The following EPB41 variants were observed in gnomAD, a reference collection of about 807,000 sequenced individuals.
EPB41 encodes the protein erythrocyte membrane protein band 4.1.
A neutral mutation model predicts 108.0 loss-of-function variants in EPB41; 65 were observed. The observed-to-expected ratio is 0.60, with a 90% CI of 0.49 to 0.74. The LOEUF is 0.74. Ranked by LOEUF, EPB41 falls within the 30% of genes least tolerant of loss-of-function variation. The pLI, the probability that EPB41 is intolerant of heterozygous loss-of-function variation, is 0.00. For missense variants in EPB41, 875 were observed against 1,037.0 expected (o/e 0.84, Z 2.15); for synonymous variants, 336 against 358.9 (o/e 0.94, Z 0.72).
intron 8 of EPB41, 125 bp from the exon 9 acceptor site, chr1:29,032,968 A>T: frequency 1.1e-6 from 1 of 952,032 alleles, no homozygotes. Context: ...TGTTAGGCTG[A>T]GCTTTATTTT....
At chr1:29,051,307 C>G (rs1042874144) in intron 11 of EPB41, among the ~76,000 whole-genome samples, 5 of 150,516 alleles carry the variant, frequency 3.3e-5, no homozygotes, top group African/African-American at 1.2e-4. Flanking sequence ...CCTTGTTGAC[C>G]AGGCTGGTCT....
intron 1 of EPB41, among the ~76,000 whole-genome samples, chr1:28,895,369 A>G (rs2090557905): frequency 1.3e-5 from 2 of 152,148 alleles, no homozygotes; most frequent in Non-Finnish European, 2.9e-5. Flanking sequence ...CCTCTGAAGC[A>G]GGCATTATTA....
chr1:29,061,002 A>G (rs940010398), intron 15 of EPB41, among the ~76,000 whole-genome samples: 1 of 152,162 alleles, frequency 6.6e-6, no homozygotes, highest in East Asian at 1.9e-4. Flanking sequence ...TTTAATAAGT[A>G]GTTACTATAA....
chr1:29,065,515 G>A, intron 16 of EPB41: 1 of 173,880 alleles, frequency 5.8e-6, no homozygotes, highest in South Asian at 1.9e-4. Flanking sequence ...ACTAAATTTA[G>A]GAAGGTCAAA....
intron 11 of EPB41, among the ~76,000 whole-genome samples, chr1:29,042,520 C>T (rs562171602): frequency 1.3e-5 from 2 of 151,958 alleles, no homozygotes; most frequent in Non-Finnish European, 2.9e-5. Context: ...ACTCTGTCAC[C>T]CAAGCTGGAG....
At chr1:28,896,619 A>C (rs1340772850) in intron 1 of EPB41, among the ~76,000 whole-genome samples, 1 of 152,252 alleles carries the variant, frequency 6.6e-6, no homozygotes, top group Non-Finnish European at 1.5e-5. Context: ...AGTGGAAGGA[A>C]CAGCATGTGC....
intron 1 of EPB41, among the ~76,000 whole-genome samples, chr1:28,932,216 G>A (rs189317704): frequency 3.7e-4 from 57 of 152,140 alleles, no homozygotes; most frequent in Non-Finnish European, 6.2e-4. Context: ...TCCGCCTCCC[G>A]AATTCAAGTG....
At chr1:29,076,286 G>A (rs1177440372) in intron 16 of EPB41, among the ~76,000 whole-genome samples, 2 of 152,156 alleles carry the variant, frequency 1.3e-5, no homozygotes, top group African/African-American at 4.8e-5. Context: ...GTTGCCCACT[G>A]TGGATTATTC....
chr1:28,934,783 A>G (rs1332509314), intron 1 of EPB41, among the ~76,000 whole-genome samples: 1 of 151,460 alleles, frequency 6.6e-6, no homozygotes, highest in Admixed American at 6.6e-5. Context: ...GGCTCCTAGA[A>G]TCAGTCATTT....
At chr1:28,955,221 C>A (rs1006152723) in intron 1 of EPB41, among the ~76,000 whole-genome samples, 1 of 152,164 alleles carries the variant, frequency 6.6e-6, no homozygotes, top group African/African-American at 2.4e-5. Flanking sequence ...AGGAATTTTC[C>A]TTCGTATTGC....
intron 19 of EPB41, among the ~76,000 whole-genome samples, chr1:29,113,326 T>G (rs1185833583): frequency 1.3e-5 from 2 of 152,204 alleles, no homozygotes; most frequent in African/African-American, 4.8e-5. Flanking sequence ...TGTGGCCTTT[T>G]TATGCTGATA....
At chr1:28,921,633 G>A (rs1337047613) in intron 1 of EPB41, among the ~76,000 whole-genome samples, 6 of 151,704 alleles carry the variant, frequency 4.0e-5, no homozygotes, top group Non-Finnish European at 7.4e-5. Flanking sequence ...TCAGAGGATC[G>A]ACACTGTTGC....
At chr1:29,044,992 G>A (rs1007410208) in intron 11 of EPB41, among the ~76,000 whole-genome samples, 1 of 152,112 alleles carries the variant, frequency 6.6e-6, no homozygotes, top group Non-Finnish European at 1.5e-5. Context: ...GTGTACCCTT[G>A]TGTCAATACC....
chr1:28,970,672 AAG>A (rs1273540177), intron 1 of EPB41, among the ~76,000 whole-genome samples: 2 of 152,224 alleles, frequency 1.3e-5, no homozygotes, highest in Non-Finnish European at 2.9e-5. Flanking sequence ...CTTGGAAAGA[AAG>A]AGAATAGTCA....
chr1:29,074,459 T>G (rs2151152820), intron 16 of EPB41, among the ~76,000 whole-genome samples: 1 of 152,320 alleles, frequency 6.6e-6, no homozygotes, highest in South Asian at 2.1e-4. Flanking sequence ...TCCTCTACAC[T>G]TTAGTGGATA....
chr1:29,097,661 AAGTCTT>A, intron 16 of EPB41, 140 bp from the exon 17 acceptor site: 3 of 908,570 alleles, frequency 3.3e-6, no homozygotes, highest in Non-Finnish European at 5.3e-6. Flanking sequence ...AATACTGTCG[AAGTCTT>A]AGGCAGGGTA....
At chr1:29,056,714 C>T (rs1463315585) in intron 12 of EPB41, among the ~76,000 whole-genome samples, 1 of 152,032 alleles carries the variant, frequency 6.6e-6, no homozygotes, top group East Asian at 1.9e-4. Context: ...TTGGTAGAGA[C>T]AAGGTTTCAC....
chr1:29,116,198 C>G (rs12145548), intron 20 of EPB41, among the ~76,000 whole-genome samples: 1 of 140,042 alleles, frequency 7.1e-6, no homozygotes, highest in African/African-American at 2.7e-5. Context: ...GTCACCCAGG[C>G]TTGAGTGCAG....
At chr1:28,895,726 G>A (rs2090594711) in intron 1 of EPB41, among the ~76,000 whole-genome samples, 1 of 152,108 alleles carries the variant, frequency 6.6e-6, no homozygotes, top group South Asian at 2.1e-4. Context: ...GACCTCAGGT[G>A]ATCAACCTGC....
Sources: allele counts gnomAD v4.1 joint callset (sites outside exome capture counted in the v4.1 genomes callset), GRCh38; gene constraint gnomAD v4.1.1; transcripts MANE v1.5; gene names NCBI Gene and HGNC (gene_info 2026-07-23, HGNC 2026-07-21).